Variants in GNAQ observed in about 807,000 individuals in gnomAD.
GNAQ encodes guanine nucleotide-binding protein G(q) subunit alpha.
GNAQ carries 8 observed loss-of-function variants against 43.9 expected under a neutral mutation model. The ratio of observed to expected loss-of-function variants is 0.18; its 90% CI spans 0.11 to 0.33. The LOEUF is 0.33. Ranked by LOEUF, GNAQ falls within the 10% of genes least tolerant of loss-of-function variation. GNAQ has a pLI of 1.00. For missense variants in GNAQ, 158 were observed against 450.8 expected (o/e 0.35, Z 5.88); for synonymous variants, 155 against 170.7 (o/e 0.91, Z 0.71).
intron 2 of GNAQ, among the ~76,000 whole-genome samples, chr9:77,820,775 A>G (rs1435411464): frequency 2.6e-5 from 4 of 152,196 alleles, no homozygotes; most frequent in African/African-American, 9.7e-5. Context: ...AGGTATCAAT[A>G]ATAACTCTGT....
chr9:77,808,815 A>G (rs1826868641), intron 3 of GNAQ, among the ~76,000 whole-genome samples: 1 of 151,984 alleles, frequency 6.6e-6, no homozygotes, highest in South Asian at 2.1e-4. Flanking sequence ...TAATATTTTC[A>G]CCATACAACG....
intron 2 of GNAQ, among the ~76,000 whole-genome samples, chr9:77,856,767 C>A (rs1316311102): frequency 6.6e-6 from 1 of 152,144 alleles, no homozygotes; most frequent in Non-Finnish European, 1.5e-5. Flanking sequence ...ATTAATGATT[C>A]ATCCAGGAAA....
chr9:77,722,613 T>C (rs192807385), intron 6 of GNAQ, among the ~76,000 whole-genome samples: 12 of 151,350 alleles, frequency 7.9e-5, no homozygotes, highest in African/African-American at 2.9e-4. Flanking sequence ...AAAAAATAAA[T>C]TGGACTTCAT....
chr9:77,854,960 C>T (rs913670754), intron 2 of GNAQ, among the ~76,000 whole-genome samples: 2 of 152,108 alleles, frequency 1.3e-5, no homozygotes, highest in African/African-American at 4.8e-5. Context: ...GAAATGGGCA[C>T]TTCAAAAGTA....
At chr9:77,882,115 G>T (rs188792432) in intron 2 of GNAQ, among the ~76,000 whole-genome samples, 253 of 152,174 alleles carry the variant, frequency 1.7e-3, no homozygotes, top group Middle Eastern at 6.8e-3. Flanking sequence ...TCCAGCCCGG[G>T]AGACAGAGCA....
At chr9:78,011,208 C>G (rs890085673) in intron 1 of GNAQ, among the ~76,000 whole-genome samples, 1 of 152,276 alleles carries the variant, frequency 6.6e-6, no homozygotes, top group African/African-American at 2.4e-5. Context: ...AGAGAGCACT[C>G]CCTACCACTC....
At chr9:77,808,176 A>G (rs543986476) in intron 3 of GNAQ, among the ~76,000 whole-genome samples, 1 of 152,198 alleles carries the variant, frequency 6.6e-6, no homozygotes, top group East Asian at 1.9e-4. Flanking sequence ...GGCAGAGTGA[A>G]AAAATGATAA....
chr9:77,980,289 A>C (rs1823353267), intron 1 of GNAQ, among the ~76,000 whole-genome samples: 1 of 152,248 alleles, frequency 6.6e-6, no homozygotes, highest in Admixed American at 6.5e-5. Flanking sequence ...GAGTAACACC[A>C]GATCTTGCAT....
intron 5 of GNAQ, among the ~76,000 whole-genome samples, chr9:77,748,922 C>T (rs1045325357): frequency 2.0e-5 from 3 of 152,088 alleles, no homozygotes; most frequent in Non-Finnish European, 4.4e-5. Flanking sequence ...AAAAGTTGAA[C>T]ACAGGGATGG....
At chr9:77,764,037 G>T (rs1020957384) in intron 5 of GNAQ, among the ~76,000 whole-genome samples, 1 of 152,148 alleles carries the variant, frequency 6.6e-6, no homozygotes, top group South Asian at 2.1e-4. Context: ...TCAAAGCAGT[G>T]AGCTGGTACA....
chr9:77,808,136 C>A (rs374803617), intron 3 of GNAQ, among the ~76,000 whole-genome samples: 13 of 152,194 alleles, frequency 8.5e-5, no homozygotes, highest in African/African-American at 3.1e-4. Flanking sequence ...AAACAGCAAA[C>A]TGACTTGCCC....
At chr9:77,733,833 C>T (rs564542876) in intron 5 of GNAQ, among the ~76,000 whole-genome samples, 1 of 152,264 alleles carries the variant, frequency 6.6e-6, no homozygotes, top group African/African-American at 2.4e-5. Flanking sequence ...GTTTGCTGTG[C>T]AGTAGATCAG....
In GNAQ at chr9:77,761,514, C is replaced by G. The variant is rs1250577355; in HGVS notation, c.736-32847G>C. On this transcript the variant is annotated intron_variant, in intron 5 of 6. Transcript: ENST00000286548. ...GAGGGAGGTGGGGAGGTCAGCCCCC[C>G]GCCCGGCCAGCCGCCCCGTCCGGGA... 5.5e-5 allele frequency among the ~76,000 whole-genome samples: 7 copies of G among 127,342 alleles called. No homozygotes were observed. In the South Asian group the frequency reaches 1.3e-3, roughly 24 times the overall value. 83.5% of individuals were successfully genotyped at this position (127,342 alleles called of 152,430 possible). A position where few individuals can be genotyped will look rare whatever the true frequency, so the allele number is the denominator to read the frequency against.
At chr9:77,931,442 T>C (rs941657123) in intron 1 of GNAQ, among the ~76,000 whole-genome samples, 1 of 151,860 alleles carries the variant, frequency 6.6e-6, no homozygotes, top group African/African-American at 2.4e-5. Context: ...AATACAAAAA[T>C]TAGCCAGGCA....
At chr9:77,819,795 A>AAC (rs1827083236) in intron 2 of GNAQ, among the ~76,000 whole-genome samples, 1 of 150,526 alleles carries the variant, frequency 6.6e-6, no homozygotes, top group East Asian at 2.0e-4. Context: ...AAAAAAAAAA[A>AAC]CCCTCAGCCT....
chr9:77,823,876 T>C (rs1429492178), intron 2 of GNAQ, among the ~76,000 whole-genome samples: 1 of 152,232 alleles, frequency 6.6e-6, no homozygotes, highest in African/African-American at 2.4e-5. Flanking sequence ...ATCAATGTTG[T>C]ATGTCTTTAA....
At chr9:77,825,242 T>A (rs573001228) in intron 2 of GNAQ, among the ~76,000 whole-genome samples, 1 of 152,362 alleles carries the variant, frequency 6.6e-6, no homozygotes, top group South Asian at 2.1e-4. Context: ...AAAGATCTGC[T>A]GCAAAATAAA....
intron 1 of GNAQ, among the ~76,000 whole-genome samples, chr9:77,959,532 C>T (rs1222262113): frequency 1.3e-5 from 2 of 152,142 alleles, no homozygotes; most frequent in Admixed American, 6.5e-5. Flanking sequence ...ATTTTCTAAA[C>T]TATCATTTGC....
In GNAQ at chr9:78,003,772, C is replaced by T. The variant is rs191045293; in HGVS notation, c.136+27328G>A. ...CAGAGGTTGCAGTCAGCCTAGATAG[C>T]GTCATTGCACTCCATTCTGGGCTTT... On this transcript the variant is annotated intron_variant, in intron 1 of 6. Transcript: ENST00000286548. Among the ~76,000 whole-genome samples the T allele has an allele frequency of 2.0e-5, 3 of 149,112 alleles. No homozygotes were observed. The East Asian group carries it at 5.9e-4, about 29-fold the overall frequency.
Sources: allele counts gnomAD v4.1 joint callset (sites outside exome capture counted in the v4.1 genomes callset), GRCh38; gene constraint gnomAD v4.1.1; transcripts MANE v1.5; gene names NCBI Gene and HGNC (gene_info 2026-07-23, HGNC 2026-07-21).